Variants in PHLDB2 observed in about 807,000 individuals in gnomAD.
PHLDB2 encodes the protein pleckstrin homology like domain family B member 2.
PHLDB2 carries 71 observed loss-of-function variants against 123.6 expected under a neutral mutation model. That is an observed-to-expected ratio of 0.57 (90% CI 0.47 to 0.70). The LOEUF (loss-of-function observed/expected upper bound fraction) is 0.70, where lower values mean the gene tolerates loss of function less well. Ranked by LOEUF, PHLDB2 falls within the 30% of genes least tolerant of loss-of-function variation. The pLI, the probability that PHLDB2 is intolerant of heterozygous loss-of-function variation, is 0.00. For synonymous variants in PHLDB2, 547 were observed against 541.6 expected (o/e 1.01, Z -0.14); for missense variants, 1,446 against 1,519.5 (o/e 0.95, Z 0.80).
intron 1 of PHLDB2, among the ~76,000 whole-genome samples, chr3:111,870,907 A>G (rs2065305884): frequency 6.6e-6 from 1 of 152,228 alleles, no homozygotes; most frequent in African/African-American, 2.4e-5. Context: ...TGTCTGCCAC[A>G]AAATGCGGAC....
intron 1 of PHLDB2, among the ~76,000 whole-genome samples, chr3:111,838,114 A>G (rs80279830): frequency 1.1e-3 from 173 of 152,280 alleles, no homozygotes; most frequent in African/African-American, 4.1e-3. Context: ...TCTGATTCAG[A>G]AAGTCTAGAG....
chr3:111,823,047 G>A (rs1157738758), intron 1 of PHLDB2, among the ~76,000 whole-genome samples: 1 of 152,264 alleles, frequency 6.6e-6, no homozygotes, highest in East Asian at 1.9e-4. Flanking sequence ...CAAAGGAGCA[G>A]CAGCAGTGCC....
At chr3:111,909,503 G>C (rs1472696850) in intron 2 of PHLDB2, among the ~76,000 whole-genome samples, 1 of 152,122 alleles carries the variant, frequency 6.6e-6, no homozygotes, top group Non-Finnish European at 1.5e-5. Context: ...AGGCTGAGGT[G>C]GGAGGATCCC....
intron 1 of PHLDB2, among the ~76,000 whole-genome samples, chr3:111,833,967 G>A (rs190471517): frequency 0.11 from 441 of 4,032 alleles, 146 homozygotes; most frequent in African/African-American, 0.35. Context: ...TATATGTAAT[G>A]GAATTATATA....
chr3:111,818,006 C>G (rs972328203), intron 1 of PHLDB2, among the ~76,000 whole-genome samples: 1 of 151,996 alleles, frequency 6.6e-6, no homozygotes, highest in Non-Finnish European at 1.5e-5. Flanking sequence ...TTCGTTTATG[C>G]TTTTCTCATT....
intron 1 of PHLDB2, among the ~76,000 whole-genome samples, chr3:111,794,822 C>A (rs2061084779): frequency 6.6e-6 from 1 of 152,164 alleles, no homozygotes; most frequent in Admixed American, 6.5e-5. Context: ...TTGAGGCCTG[C>A]TCACTTTGGT....
chr3:111,811,665 C>T lies in PHLDB2; in HGVS notation c.-48-34156C>T, dbSNP rs570176526. Among the ~76,000 whole-genome samples, 10 of 152,000 alleles carry T rather than the reference C, an allele frequency of 6.6e-5. No individual in the cohort carries two copies. In the East Asian group the frequency reaches 9.6e-4, roughly 15 times the overall value. On this transcript the variant is annotated intron_variant, in intron 1 of 17. Transcript: ENST00000393923. ...CACTACACACACACATACACACACA[C>T]GAAAAAATGAAATGATGATCTTTAA...
chr3:111,744,511 G>A (rs914128877), intron 1 of PHLDB2, among the ~76,000 whole-genome samples: 5 of 152,132 alleles, frequency 3.3e-5, no homozygotes, highest in African/African-American at 1.2e-4. Context: ...TTTTTGTAAG[G>A]TTTGTTTATA....
intron 5 of PHLDB2, among the ~76,000 whole-genome samples, chr3:111,924,618 C>T (rs1479839197): frequency 2.0e-5 from 3 of 151,996 alleles, no homozygotes; most frequent in Non-Finnish European, 4.4e-5. Flanking sequence ...CCTTAGGGAT[C>T]GTGTTTCCTT....
At chr3:111,945,437 T>C in intron 9 of PHLDB2, 80 bp downstream of exon 9, 1 of 1,079,920 alleles carries the variant, frequency 9.3e-7, no homozygotes, top group Non-Finnish European at 1.4e-6. Context: ...ATTAGCTGAA[T>C]AATAAAAATA....
intron 1 of PHLDB2, among the ~76,000 whole-genome samples, chr3:111,745,013 A>T (rs1188846833): frequency 6.6e-6 from 1 of 152,218 alleles, no homozygotes; most frequent in East Asian, 1.9e-4. Context: ...ACCTTATTAA[A>T]ATAAATTTAA....
chr3:111,858,988 T>C (rs755857280), upstream of PHLDB2, among the ~76,000 whole-genome samples: 7 of 152,148 alleles, frequency 4.6e-5, no homozygotes, highest in African/African-American at 9.7e-5. Context: ...GGGGAAAATA[T>C]AAAAACTTTC....
Position 111,962,225 on chromosome 3 carries a change from A to G in PHLDB2, c.2990A>G (p.Lys997Arg), listed in dbSNP as rs2071449374. The change falls in exon 13 of 18, where the codon AAG becomes AGG. Residue 997 changes from lysine (K) to arginine (R), a missense_variant. Around this residue, in one of 3 missense-constraint regions of PHLDB2, gnomAD observed 594 missense variants for 646.0 expected, o/e 0.92. Transcript: ENST00000431670. Reference sequence around the variant, plus strand: ...TTCCATTATCCAGATCACAGCTACAAGGACCAGGCCTTTGATACTCTGAGC... The same window carrying G: ...TTCCATTATCCAGATCACAGCTACAGGGACCAGGCCTTTGATACTCTGAGC... ...NSFHYPDHSY[K>R]DQAFDTLSLD... 3 of 1,581,896 alleles carry G rather than the reference A, an allele frequency of 1.9e-6. No homozygotes were observed. In the South Asian group the frequency reaches 3.5e-5, roughly 19 times the overall value.
intron 1 of PHLDB2, among the ~76,000 whole-genome samples, chr3:111,875,980 G>T (rs2065594246): frequency 6.6e-6 from 1 of 151,746 alleles, no homozygotes; most frequent in African/African-American, 2.4e-5. Context: ...GTATGAGAGA[G>T]GTAAGTTAAG....
chr3:111,826,467 AC>A (rs1373554922), intron 1 of PHLDB2, among the ~76,000 whole-genome samples: 1 of 152,184 alleles, frequency 6.6e-6, no homozygotes, highest in African/African-American at 2.4e-5. Flanking sequence ...CATACTCTTT[AC>A]ATCTAGAAAG....
At chr3:111,913,166 C>T (rs563653787) in intron 2 of PHLDB2, among the ~76,000 whole-genome samples, 153 bp from the exon 3 acceptor site, 4 of 152,240 alleles carry the variant, frequency 2.6e-5, no homozygotes, top group Admixed American at 1.3e-4. Context: ...TAAATGCATC[C>T]GTCAAAGATT....
rs543622154 is a variant in PHLDB2, at chr3:111,805,302, T to C, written c.-48-40519T>C. 7.9e-5 allele frequency among the ~76,000 whole-genome samples: 12 copies of C among 152,306 alleles called. No homozygotes were observed. In the East Asian group the frequency reaches 2.3e-3, roughly 29 times the overall value. On this transcript the variant is annotated intron_variant, in intron 1 of 17. Transcript: ENST00000393923. ...GGGGCCGGGCGCTGTGGCTCAAGCC[T>C]GTAATCCCAGCACTTTGGGAGGCTG...
At chr3:111,914,741 A>G (rs148748589) in intron 3 of PHLDB2, 59 of 152,154 alleles carry the variant, frequency 3.9e-4, no homozygotes, top group Non-Finnish European at 6.5e-4. Flanking sequence ...TTTTTTCGGC[A>G]TATAGGAGTT....
At chr3:111,832,363 G>T in intron 1 of PHLDB2, among the ~76,000 whole-genome samples, 1 of 148,772 alleles carries the variant, frequency 6.7e-6, no homozygotes, top group African/African-American at 2.6e-5. Context: ...AATATAATAT[G>T]TTCTTATTTT....
Sources: gnomAD v4.1 joint callset for allele counts (sites outside exome capture counted in the v4.1 genomes callset) on GRCh38, gnomAD v4.1.1 for gene constraint, gnomAD v4.1.1 regional missense constraint, MANE v1.5 for transcripts, NCBI Gene and HGNC (gene_info 2026-07-23, HGNC 2026-07-21) for gene names.